Variants in METTL15 observed in about 807,000 individuals in gnomAD.
The protein encoded by METTL15 is 12S rRNA N(4)-cytidine methyltransferase METTL15.
METTL15 carries 34 observed loss-of-function variants against 38.3 expected under a neutral mutation model. The observed-to-expected ratio is 0.89, with a 90% CI of 0.68 to 1.18. METTL15 has a LOEUF of 1.18. Among genes scored for constraint, METTL15 ranks in the 50% most tolerant of loss-of-function variants. The pLI is 0.00. For missense variants in METTL15, 438 were observed against 498.4 expected, an observed-to-expected ratio of 0.88 and a Z score of 1.15; for synonymous variants, 162 against 170.9, an observed-to-expected ratio of 0.95 and a Z score of 0.41.
At chr11:28,507,546 G>A (rs758556897) in intron 6 of METTL15, among the ~76,000 whole-genome samples, 3 of 152,106 alleles carry the variant, frequency 2.0e-5, no homozygotes, top group Non-Finnish European at 4.4e-5. Context: ...CATATATCCA[G>A]CCATGTACAT....
chr11:28,475,781 A>G (rs543681035), intron 6 of METTL15, among the ~76,000 whole-genome samples: 2 of 152,300 alleles, frequency 1.3e-5, no homozygotes, highest in African/African-American at 4.8e-5. Context: ...TCCAAAGCCA[A>G]CCTTCCAGAT....
At chr11:28,357,407 A>C (rs1850099399) in intron 4 of METTL15, among the ~76,000 whole-genome samples, 1 of 152,188 alleles carries the variant, frequency 6.6e-6, no homozygotes, top group Non-Finnish European at 1.5e-5. Context: ...ACATAAAAGA[A>C]AGTTCCTTTC....
At position 28,228,330 on chromosome 11, in the gene METTL15, C is replaced by G. The variant is rs1272507842; in HGVS notation, c.407+17132C>G. On this transcript the variant is annotated intron_variant, in intron 4 of 6. Coordinates refer to ENST00000407364, the MANE Select transcript of METTL15 (RefSeq NM_001113528.2). ...TAACTTCAGCTCTGCTATTTACTCACTATAAAACTTTGAATAGGTTACTTA... is the reference window on the plus strand; with the variant it reads ...TAACTTCAGCTCTGCTATTTACTCAGTATAAAACTTTGAATAGGTTACTTA... Among the ~76,000 whole-genome samples the G allele has an allele frequency of 2.7e-5, 4 of 149,338 alleles. No individual in the cohort carries two copies. The East Asian group carries it at 9.1e-4, about 34-fold the overall frequency.
chr11:28,413,335 C>T (rs1590366037), intron 5 of METTL15, among the ~76,000 whole-genome samples: 2 of 152,130 alleles, frequency 1.3e-5, no homozygotes, highest in East Asian at 3.9e-4. Flanking sequence ...GTTTAAAATT[C>T]CTTTTTACAA....
chr11:28,134,090 A>G (rs1849433775), intron 3 of METTL15, among the ~76,000 whole-genome samples: 2 of 152,182 alleles, frequency 1.3e-5, no homozygotes, highest in African/African-American at 4.8e-5. Context: ...TAACGGAACA[A>G]CATGTGAACT....
chr11:28,478,717 A>G (rs1010699210), intron 6 of METTL15, among the ~76,000 whole-genome samples: 3 of 152,190 alleles, frequency 2.0e-5, no homozygotes, highest in Non-Finnish European at 2.9e-5. Context: ...AACAAAAAAC[A>G]TGAAGCAGTA....
At chr11:28,529,590 G>T (rs1245790300), downstream of METTL15, among the ~76,000 whole-genome samples, 1 of 120,056 alleles carries the variant, frequency 8.3e-6, no homozygotes, top group Non-Finnish European at 1.6e-5. Flanking sequence ...AGATTATTTT[G>T]GTGTACATAG....
chr11:28,443,020 C>T (rs1031826568), intron 6 of METTL15, among the ~76,000 whole-genome samples: 3 of 152,164 alleles, frequency 2.0e-5, no homozygotes, highest in Non-Finnish European at 2.9e-5. Flanking sequence ...TGATAAGTTT[C>T]TAAAAGTGTT....
intron 5 of METTL15, among the ~76,000 whole-genome samples, chr11:28,388,140 A>G (rs1410512135): frequency 6.6e-6 from 1 of 152,118 alleles, no homozygotes. Flanking sequence ...CTTTTTCTCT[A>G]AGATCAGGTA....
intron 1 of METTL15, among the ~76,000 whole-genome samples, chr11:28,109,034 G>C (rs1851604770): frequency 6.6e-6 from 1 of 152,148 alleles, no homozygotes; most frequent in Non-Finnish European, 1.5e-5. Flanking sequence ...AGACACAATA[G>C]TATGCAATGG....
chr11:28,482,386 C>A (rs140842407), intron 6 of METTL15, among the ~76,000 whole-genome samples: 2 of 152,268 alleles, frequency 1.3e-5, no homozygotes, highest in East Asian at 3.9e-4. Flanking sequence ...TCTTAGGAGC[C>A]TCTGAGTCCT....
At chr11:28,207,861 T>G (rs895692329) in intron 3 of METTL15, among the ~76,000 whole-genome samples, 4 of 152,174 alleles carry the variant, frequency 2.6e-5, no homozygotes, top group Non-Finnish European at 1.5e-5. Context: ...TCAAGGAATT[T>G]ATCCATTTCT....
At chr11:28,258,239 T>G (rs1855052270) in intron 4 of METTL15, among the ~76,000 whole-genome samples, 1 of 152,180 alleles carries the variant, frequency 6.6e-6, no homozygotes. Flanking sequence ...ATGGGGTATC[T>G]CTCTCTGTTC....
chr11:28,322,223 G>T (rs1413241406), intron 6 of METTL15, among the ~76,000 whole-genome samples: 1 of 151,898 alleles, frequency 6.6e-6, no homozygotes, highest in Non-Finnish European at 1.5e-5. Context: ...AAAATTAAAA[G>T]ACATTTACAA....
chr11:28,201,610 G>GGTGTGTGTGTGT (rs71050951), intron 3 of METTL15, among the ~76,000 whole-genome samples: 4 of 145,562 alleles, frequency 2.7e-5, no homozygotes, highest in African/African-American at 7.7e-5. Flanking sequence ...GTCTTGGGAG[G>GGTGTGTGTGTGT]GTGTGTGTGT....
intron 6 of METTL15, among the ~76,000 whole-genome samples, chr11:28,445,249 A>C (rs574595190): frequency 6.6e-6 from 1 of 152,314 alleles, no homozygotes; most frequent in Admixed American, 6.5e-5. Context: ...ATGTATAGAA[A>C]ACTTGTAAGA....
chr11:28,455,610 A>G (rs1232369219), intron 6 of METTL15, among the ~76,000 whole-genome samples: 2 of 152,192 alleles, frequency 1.3e-5, no homozygotes, highest in Admixed American at 1.3e-4. Context: ...ATATTCTAAC[A>G]CATTCCTTTT....
At chr11:28,238,753 C>T (rs1854147194) in intron 4 of METTL15, among the ~76,000 whole-genome samples, 1 of 152,168 alleles carries the variant, frequency 6.6e-6, no homozygotes, top group African/African-American at 2.4e-5. Context: ...ATCTTGGCTC[C>T]TCCATTCTTT....
chr11:28,128,149 A>G (rs1377798275), intron 3 of METTL15, among the ~76,000 whole-genome samples: 1 of 152,106 alleles, frequency 6.6e-6, no homozygotes, highest in East Asian at 1.9e-4. Flanking sequence ...GCATTTTCAT[A>G]TGGCAACCGT....
Sources: gnomAD v4.1 joint callset for allele counts (sites outside exome capture counted in the v4.1 genomes callset) on GRCh38, gnomAD v4.1.1 for gene constraint, MANE v1.5 for transcripts, NCBI Gene and HGNC (gene_info 2026-07-23, HGNC 2026-07-21) for gene names.